The following TMEM255B variants were observed in gnomAD, a reference collection of about 807,000 sequenced individuals.
TMEM255B encodes family with sequence similarity 70, member B.
A neutral mutation model predicts 34.5 loss-of-function variants in TMEM255B; 35 were observed. That is an observed-to-expected ratio of 1.01 (90% CI 0.77 to 1.34). The LOEUF (loss-of-function observed/expected upper bound fraction) is 1.34, where lower values mean the gene tolerates loss of function less well. Among genes scored for constraint, TMEM255B ranks in the 40% most tolerant of loss-of-function variants. The probability of loss-of-function intolerance (pLI) is 0.00; values close to 1 mark genes in which losing one functional copy is unlikely to be tolerated. For missense variants in TMEM255B, 432 were observed against 433.2 expected (o/e 1.00, Z 0.02); for synonymous variants, 206 against 201.2 (o/e 1.02, Z -0.20).
chr13:113,795,594 ACAACAGAGC>A (rs2050910314), intron 4 of TMEM255B, among the ~76,000 whole-genome samples: 1 of 147,618 alleles, frequency 6.8e-6, no homozygotes, highest in East Asian at 2.0e-4. Context: ...CACACACACC[ACAACAGAGC>A]ACACAGCACA....
intron 7 of TMEM255B, among the ~76,000 whole-genome samples, 177 bp downstream of exon 7, chr13:113,801,989 C>T (rs1481438234): frequency 1.3e-5 from 2 of 152,212 alleles, no homozygotes; most frequent in Admixed American, 6.5e-5. Context: ...ACCTCGGGGC[C>T]GTCCTGTCCC....
At chr13:113,784,537 GGAAGAAGAA>G (rs375842735) in intron 3 of TMEM255B, among the ~76,000 whole-genome samples, 1 of 151,580 alleles carries the variant, frequency 6.6e-6, no homozygotes, top group African/African-American at 2.4e-5. Flanking sequence ...GATATGAAGA[GGAAGAAGAA>G]GAAGAAGAAG....
intron 7 of TMEM255B, among the ~76,000 whole-genome samples, chr13:113,802,603 C>T (rs116654877): frequency 0.045 from 6,225 of 139,836 alleles, 669 homozygotes; most frequent in African/African-American, 0.15. Context: ...AGCGAGGCAG[C>T]GAAAACACTC....
Position 113,800,079 on chromosome 13 carries a change from TTTATGTGTGTGTGTGTGG to T in TMEM255B, c.423+661_423+678del, listed in dbSNP as rs1027004968. Reference sequence around the variant, plus strand: ...GGGAGGCATCGTGTGTGTGTGTGTGTTTATGTGTGTGTGTGTGGGGGGGGGTAGGCAGGAGGCGTCCCG... The same window carrying T: ...GGGAGGCATCGTGTGTGTGTGTGTGTGGGGGGGTAGGCAGGAGGCGTCCCG... On this transcript the variant is annotated intron_variant, in intron 5 of 8. Transcript: ENST00000375353. 1.4e-5 allele frequency: 17 copies of T among 1,183,228 alleles called. No individual in the cohort carries two copies. In the African/African-American group the frequency reaches 1.5e-4, roughly 10 times the overall value. The allele number at this position is 1,183,228 out of a possible 1,614,324, so 73.3% of individuals were successfully genotyped here. A position where few individuals can be genotyped will look rare whatever the true frequency, so the allele number is the denominator to read the frequency against.
chr13:113,800,532 C>A (rs371484561), intron 5 of TMEM255B, among the ~76,000 whole-genome samples: 1 of 152,074 alleles, frequency 6.6e-6, no homozygotes, highest in Non-Finnish European at 1.5e-5. Context: ...CTTCTGCCCA[C>A]GCACCCTGAT....
intron 3 of TMEM255B, among the ~76,000 whole-genome samples, chr13:113,775,623 C>G (rs534747192): frequency 6.6e-6 from 1 of 152,376 alleles, no homozygotes; most frequent in South Asian, 2.1e-4. Flanking sequence ...TGGGCCCCAT[C>G]CACTTGCCAT....
rs1353143399 is a variant in TMEM255B, at chr13:113,799,913, C to T, written c.423+494C>T. ...CTCTGTGACGGCGCTCTCTGTGTGTCTCGCACCTGCCCTGTGTGGATTCCT... is the reference window on the plus strand; with the variant it reads ...CTCTGTGACGGCGCTCTCTGTGTGTTTCGCACCTGCCCTGTGTGGATTCCT... On this transcript the variant is annotated intron_variant, in intron 5 of 8. Coordinates refer to ENST00000375353, the MANE Select transcript of TMEM255B (RefSeq NM_182614.4). 4.7e-6 allele frequency: 6 copies of T among 1,266,080 alleles called. No homozygotes were observed. In the African/African-American group the frequency reaches 9.2e-5, roughly 19 times the overall value. The allele number at this position is 1,266,080 out of a possible 1,614,324, so 78.4% of individuals were successfully genotyped here. A position where few individuals can be genotyped will look rare whatever the true frequency, so the allele number is the denominator to read the frequency against.
Position 113,800,922 on chromosome 13 carries a change from A to T in TMEM255B, c.509+10A>T, listed in dbSNP as rs115620789. ...TCTATGCCTGCGGGAGGTGAGGGGC[A>T]CCGGGGACCCCCATATCTACACCTG... On this transcript the variant is annotated intron_variant, in intron 6 of 8. Coordinates refer to ENST00000375353, the MANE Select transcript of TMEM255B (RefSeq NM_182614.4). 3.3e-6 allele frequency: 4 copies of T among 1,199,584 alleles called. 2 individuals carry two copies. In the South Asian group the frequency reaches 5.3e-5, roughly 16 times the overall value. 74.3% of individuals were successfully genotyped at this position (1,199,584 alleles called of 1,614,324 possible). A position where few individuals can be genotyped will look rare whatever the true frequency, so the allele number is the denominator to read the frequency against.
chr13:113,781,506 A>G (rs530247981), intron 3 of TMEM255B, among the ~76,000 whole-genome samples: 44 of 152,238 alleles, frequency 2.9e-4, no homozygotes, highest in Non-Finnish European at 5.4e-4. Context: ...TCTTAAATAC[A>G]TGTAACACTG....
rs199809562 is a variant in TMEM255B, at chr13:113,811,946, A to G, written c.*43A>G. The G allele has an allele frequency of 6.7e-7, 1 of 1,496,556 alleles. No individual in the cohort carries two copies. The highest frequency in any genetic ancestry group is 1.3e-5 in the South Asian group (1 of 78,476). 92.7% of individuals were successfully genotyped at this position (1,496,556 alleles called of 1,614,324 possible). A position where few individuals can be genotyped will look rare whatever the true frequency, so the allele number is the denominator to read the frequency against. On this transcript the variant is annotated 3_prime_UTR_variant, in exon 9 of 9. Transcript: ENST00000375353. Reference sequence around the variant, plus strand: ...AGATAACTTGTTTGTTTTTTTTTTTAAAAAAAAGGCAGCCTCTAGAAATCC... The same window carrying G: ...AGATAACTTGTTTGTTTTTTTTTTTGAAAAAAAGGCAGCCTCTAGAAATCC...
intron 1 of TMEM255B, among the ~76,000 whole-genome samples, chr13:113,765,537 C>T (rs2050374797): frequency 6.6e-6 from 1 of 151,654 alleles, no homozygotes; most frequent in African/African-American, 2.4e-5. Context: ...GTAGGAAGAC[C>T]TTACCATGGT....
chr13:113,805,835 T>A (rs1286063069), intron 8 of TMEM255B, among the ~76,000 whole-genome samples: 1 of 152,072 alleles, frequency 6.6e-6, no homozygotes, highest in Non-Finnish European at 1.5e-5. Flanking sequence ...CTGATAAACG[T>A]GGGCTTCCTT....
At chr13:113,794,116 A>C (rs1417236554) in intron 3 of TMEM255B, among the ~76,000 whole-genome samples, 2 of 152,198 alleles carry the variant, frequency 1.3e-5, no homozygotes, top group African/African-American at 4.8e-5. Context: ...GGAAGAGGCC[A>C]CAGCAGTTCC....
At chr13:113,788,071 C>T (rs372638278) in intron 3 of TMEM255B, among the ~76,000 whole-genome samples, 1 of 16,348 alleles carries the variant, frequency 6.1e-5, no homozygotes, top group Non-Finnish European at 1.6e-4. Context: ...GAGGGGAAGG[C>T]GGAGGGGGTG....
rs146258632 is a variant in TMEM255B, at chr13:113,766,139, C to T, written c.71C>T (p.Thr24Met). 597 of 1,614,220 alleles carry T rather than the reference C, an allele frequency of 3.7e-4. 3 individuals carry two copies. In the South Asian group the frequency reaches 5.6e-3, roughly 15 times the overall value. Residue 24 changes from threonine to methionine, a missense_variant, in exon 2 of 9, where the codon ACG becomes ATG. By Grantham distance (81) the Thr-to-Met change is moderately conservative. Transcript: ENST00000375353. ...GAAGGGCTTTCGAGGAGGAAGAAGA[C>T]GTCGCTCTGGTTTGTGGGGTCTCTG... ...PAEGLSRRKK[T>M]SLWFVGSLLL...
At chr13:113,774,663 C>G (rs1252051110) in intron 3 of TMEM255B, among the ~76,000 whole-genome samples, 1 of 113,152 alleles carries the variant, frequency 8.8e-6, no homozygotes, top group South Asian at 2.6e-4. Flanking sequence ...ACAACACACA[C>G]CACACATATG....
At chr13:113,800,086 G>GTT in intron 5 of TMEM255B, 1 of 1,182,954 alleles carries the variant, frequency 8.5e-7, no homozygotes, top group South Asian at 1.6e-5. Context: ...GTGTTTATGT[G>GTT]TGTGTGTGTG....
intron 3 of TMEM255B, among the ~76,000 whole-genome samples, chr13:113,776,427 G>A (rs569344137): frequency 2.0e-5 from 3 of 152,254 alleles, no homozygotes; most frequent in Non-Finnish European, 2.9e-5. Context: ...TCTCTTCTGC[G>A]GGCGGCACCT....
chr13:113,779,485 G>C (rs1266194478), intron 3 of TMEM255B, among the ~76,000 whole-genome samples: 5 of 152,154 alleles, frequency 3.3e-5, no homozygotes, highest in Non-Finnish European at 7.4e-5. Flanking sequence ...GGGGCGTAGA[G>C]GGAGCGTCTG....
Sources: gnomAD v4.1 joint callset for allele counts (sites outside exome capture counted in the v4.1 genomes callset) on GRCh38, gnomAD v4.1.1 for gene constraint, MANE v1.5 for transcripts, NCBI Gene and HGNC (gene_info 2026-07-23, HGNC 2026-07-21) for gene names.